B3GALNT2: variants seen among roughly 807,000 people sequenced by gnomAD.
B3GALNT2 encodes the protein UDP-GalNAc:beta-1,3-N-acetylgalactosaminyltransferase 2.
A neutral mutation model predicts 61.1 loss-of-function variants in B3GALNT2; 53 were observed. The ratio of observed to expected loss-of-function variants is 0.87; its 90% confidence interval spans 0.70 to 1.09. The LOEUF is 1.09. Among genes scored for constraint, B3GALNT2 ranks in the 50% least tolerant of loss-of-function variants. B3GALNT2 has a pLI of 0.00. For synonymous variants in B3GALNT2, 223 were observed against 237.4 expected, an observed-to-expected ratio of 0.94 and a Z score of 0.56; for missense variants, 544 against 623.0, an observed-to-expected ratio of 0.87 and a Z score of 1.35.
chr1:235,504,042 TTCCCCCGC>T, intron 1 of B3GALNT2, 91 bp downstream of exon 1: 1 of 1,166,076 alleles, frequency 8.6e-7, no homozygotes, highest in Non-Finnish European at 1.1e-6. Flanking sequence ...CGTTTGGCCC[TTCCCCCGC>T]CTCCAACAAT....
In B3GALNT2 at chr1:235,484,446, A is replaced by G. The variant is rs1432729012; in HGVS notation, c.431T>C (p.Val144Ala). 6.2e-7 allele frequency: 1 copy of G among 1,614,032 alleles called. No homozygotes were observed. Among genetic ancestry groups the G allele is most frequent in the Non-Finnish European group, 8.5e-7 (1 of 1,180,014 alleles). ...GAGAACTCGGAAACTCACGCTGACA[A>G]CTCGATCCTCAGGCAGCCCCGATGA... Reference protein sequence around the residue: ...DTSSGLPEDRVVSVSFRVLYP... With the variant: ...DTSSGLPEDRAVSVSFRVLYP... The change falls in exon 4 of 12, where the codon GTT becomes GCT. Residue 144 changes from valine (V) to alanine (A), a missense_variant. Val to Ala is a moderately conservative substitution (Grantham distance 64). Coordinates refer to ENST00000366600, the MANE Select transcript of B3GALNT2 (RefSeq NM_152490.5).
In B3GALNT2 at chr1:235,448,590, G is replaced by C; in HGVS notation, c.*1616C>G. On this transcript the variant is annotated 3_prime_UTR_variant, in exon 12 of 12. Transcript: ENST00000366600. ...AAGGGTAAGCTACTGCCTGGGGACG[G>C]GGTGGGGGAAGAGTATGTGTAGCAT... The C allele has an allele frequency of 7.2e-7, 1 of 1,389,396 alleles. No homozygotes were observed. The allele number at this position is 1,389,396 out of a possible 1,614,324, so 86.1% of individuals were successfully genotyped here. A position where few individuals can be genotyped will look rare whatever the true frequency, so the allele number is the denominator to read the frequency against.
the B3GALNT2 span, chr1:235,441,776 T>A: frequency 1.7e-4 from 263 of 1,590,180 alleles, 1 homozygote; most frequent in African/African-American, 3.3e-3. Flanking sequence ...TATAGTGGCC[T>A]TTGGTTTATC....
intron 2 of B3GALNT2, 119 bp from the exon 3 acceptor site, chr1:235,489,387 C>T: frequency 2.8e-6 from 4 of 1,444,284 alleles, no homozygotes; most frequent in Non-Finnish European, 3.7e-6. Context: ...GATTAATTCT[C>T]TACCTTTATT....
intron 5 of B3GALNT2, chr1:235,479,231 C>T (rs541252297): frequency 1.8e-4 from 27 of 152,316 alleles, no homozygotes; most frequent in African/African-American, 5.8e-4. Context: ...TCACCAGGGC[C>T]GGTCAGTTGT....
At position 235,481,928 on chromosome 1, in the gene B3GALNT2, CAG is replaced by C. The variant is rs562819049; in HGVS notation, c.556-1781_556-1780del. 4.5e-3 allele frequency among the ~76,000 whole-genome samples: 692 copies of C among 152,216 alleles called. 5 individuals are homozygous for C. The highest frequency in any genetic ancestry group is 0.016 in the African/African-American group (666 of 41,526). On this transcript the variant is annotated intron_variant, in intron 4 of 11. Coordinates refer to ENST00000366600, the MANE Select transcript of B3GALNT2 (RefSeq NM_152490.5). ...TCTATAAACACATCAACAAACGAGA[CAG>C]ATTATTTAGAGGAAGAACAGGGCAA...
intron 3 of B3GALNT2, 112 bp from the exon 4 acceptor site, chr1:235,484,627 A>G: frequency 7.2e-7 from 1 of 1,390,124 alleles, no homozygotes; most frequent in Non-Finnish European, 9.3e-7. Flanking sequence ...TTTGCTATAT[A>G]ATTCACAAAT....
Position 235,504,181 on chromosome 1 carries a change from G to A in B3GALNT2, c.72C>T (p.Arg24=), listed in dbSNP as rs1436608976. The A allele has an allele frequency of 3.0e-6, 4 of 1,319,512 alleles. No individual in the cohort carries two copies. Among genetic ancestry groups the A allele is most frequent in the South Asian group, 2.1e-5 (1 of 47,048 alleles). 81.7% of individuals were successfully genotyped at this position (1,319,512 alleles called of 1,614,324 possible). Residue 24 remains arginine (R), a synonymous_variant, in exon 1 of 12, where the codon CGC becomes CGT. Coordinates refer to ENST00000366600, the MANE Select transcript of B3GALNT2 (RefSeq NM_152490.5). The stretch of plus-strand genomic sequence containing the variant: ...CGGAGGCGCAGGCGGGCGGCGGGGA[G>A]CGCAGCCGCAGCCAGAGGTGCAGCG... ...GAALHLWLRL[R]SPPPACASGA... is the part of the protein sequence containing the mutation.
At position 235,455,717 on chromosome 1, in the gene B3GALNT2, C is replaced by T. The variant is rs187930203; in HGVS notation, c.1026-33G>A. ...CACAAAAGGGATAAGAAAGTCAGTG[C>T]GACCAAACAAACAAACACCAATGCA... On this transcript the variant is annotated intron_variant, in intron 8 of 11. Coordinates refer to ENST00000366600, the MANE Select transcript of B3GALNT2 (RefSeq NM_152490.5). 5.6e-4 allele frequency: 897 copies of T among 1,588,942 alleles called. 11 individuals carry two copies. In the African/African-American group the frequency reaches 0.011, roughly 20 times the overall value.
Position 235,455,606 on chromosome 1 carries a change from A to G in B3GALNT2, c.1104T>C (p.Asn368=), listed in dbSNP as rs765751968. ...CATCCAGATTCTTTTGGACAATCCT[A>G]TTAAATACAGCTTCGAGGTCTATGT... ...DCYIDLEAVF[N]RIVQKNLDGP... Residue 368 remains asparagine (N), a synonymous_variant, in exon 9 of 12, where the codon AAT becomes AAC. Coordinates refer to ENST00000366600, the MANE Select transcript of B3GALNT2 (RefSeq NM_152490.5). The G allele has an allele frequency of 2.0e-5, 32 of 1,609,458 alleles. No homozygotes were observed. Among genetic ancestry groups the G allele is most frequent in the Non-Finnish European group, 1.0e-5 (12 of 1,175,816 alleles).
At chr1:235,475,554 GCAAA>G (rs1360857447) in intron 5 of B3GALNT2, among the ~76,000 whole-genome samples, 1 of 152,080 alleles carries the variant, frequency 6.6e-6, no homozygotes, top group African/African-American at 2.4e-5. Flanking sequence ...TGATATGCCA[GCAAA>G]CAATCACTAT....
intron 3 of B3GALNT2, among the ~76,000 whole-genome samples, chr1:235,486,855 T>C (rs1372927562): frequency 6.6e-6 from 1 of 152,306 alleles, no homozygotes; most frequent in Non-Finnish European, 1.5e-5. Context: ...TAACATTCTA[T>C]GGGGTTTATG....
chr1:235,446,485 A>G (rs1378978936), downstream of B3GALNT2, among the ~76,000 whole-genome samples: 2 of 151,918 alleles, frequency 1.3e-5, no homozygotes, highest in African/African-American at 4.8e-5. Flanking sequence ...CTTAAAACCT[A>G]TACATCCTTA....
intron 7 of B3GALNT2, among the ~76,000 whole-genome samples, chr1:235,461,506 TG>T (rs1683428065): frequency 1.6e-5 from 2 of 121,602 alleles, no homozygotes; most frequent in Middle Eastern, 8.1e-3. Context: ...GATGACCTCC[TG>T]TTTTTTTTTT....
rs779469431 is a variant in B3GALNT2 at position 235,465,687 on chromosome 1, A to T, written c.790T>A (p.Phe264Ile). The change falls in exon 7 of 12, where the codon TTC becomes ATC. Residue 264 changes from phenylalanine to isoleucine, a missense_variant. Phe to Ile is a conservative substitution (Grantham distance 21, BLOSUM62 0). Coordinates refer to ENST00000366600, the MANE Select transcript of B3GALNT2 (RefSeq NM_152490.5). ...TAGEGALPHE[F>I]LEGVEGVAGG... ...GCAACTCCCTCCACACCTTCCAAGA[A>T]TTCATGAGGCAATGCACCCTCCCCA... The T allele has an allele frequency of 2.1e-5, 34 of 1,613,972 alleles. No individual in the cohort carries two copies. The highest frequency in any genetic ancestry group is 1.3e-5 in the Non-Finnish European group (15 of 1,179,992).
intron 6 of B3GALNT2, among the ~76,000 whole-genome samples, chr1:235,469,379 C>T (rs1319292089): frequency 6.6e-6 from 1 of 152,132 alleles, no homozygotes; most frequent in Non-Finnish European, 1.5e-5. Context: ...CGTTTGTTTA[C>T]TAAAGTTCAT....
chr1:235,481,176 A>T (rs935177760), intron 4 of B3GALNT2, among the ~76,000 whole-genome samples: 1 of 152,170 alleles, frequency 6.6e-6, no homozygotes, highest in African/African-American at 2.4e-5. Context: ...TAGTTTTTGC[A>T]TCGTGACTAC....
chr1:235,478,792 G>C (rs939714539), intron 5 of B3GALNT2: 2 of 152,190 alleles, frequency 1.3e-5, no homozygotes, highest in East Asian at 1.9e-4. Flanking sequence ...AGAATGAACG[G>C]CATAATCCTA....
At chr1:235,470,169 G>T (rs1177690204) in intron 6 of B3GALNT2, among the ~76,000 whole-genome samples, 1 of 152,116 alleles carries the variant, frequency 6.6e-6, no homozygotes, top group East Asian at 1.9e-4. Flanking sequence ...AAAGTTCTGG[G>T]ATTATTGGCA....
Sources: allele counts gnomAD v4.1 joint callset (sites outside exome capture counted in the v4.1 genomes callset), GRCh38; gene constraint gnomAD v4.1.1; transcripts MANE v1.5; gene names NCBI Gene and HGNC (gene_info 2026-07-23, HGNC 2026-07-21).